RNF220: variants seen among roughly 807,000 people sequenced by gnomAD.
RNF220 encodes E3 ubiquitin-protein ligase RNF220.
Under a neutral mutation model 67.1 loss-of-function variants are expected in RNF220, and 7 were observed. The ratio of observed to expected loss-of-function variants is 0.10; its 90% CI spans 0.06 to 0.20. The LOEUF is 0.20. Ranked by LOEUF, RNF220 falls within the 10% of genes least tolerant of loss-of-function variation. The pLI is 1.00. For synonymous variants in RNF220, 270 were observed against 283.2 expected (o/e 0.95, Z 0.47); for missense variants, 565 against 740.3 (o/e 0.76, Z 2.75).
intron 2 of RNF220, among the ~76,000 whole-genome samples, chr1:44,580,987 C>T (rs913589880): frequency 6.6e-6 from 1 of 152,166 alleles, no homozygotes; most frequent in Non-Finnish European, 1.5e-5. Flanking sequence ...AAGGCCATGC[C>T]CAGAGCCAGA....
In RNF220 at chr1:44,621,214, C is replaced by T. The variant is rs1407616628; in HGVS notation, c.759-1528C>T. ...TATAGGCGTGAGCCACTGCACCGGA[C>T]CATGCATCTGTCTTTATGGACATGT... On this transcript the variant is annotated intron_variant, in intron 3 of 14. Transcript: ENST00000361799. This position sits in a 1 kb window ranked among gnomAD's most constrained non-coding sequence, Gnocchi z 4.8. Among the ~76,000 whole-genome samples the T allele has an allele frequency of 1.3e-5, 2 of 152,206 alleles. No individual in the cohort carries two copies. The highest frequency in any genetic ancestry group is 3.2e-3 in the Middle Eastern group (1 of 314).
Position 44,417,155 on chromosome 1 carries a change from G to A in RNF220, c.625+4433G>A, listed in dbSNP as rs116503833. Among the ~76,000 whole-genome samples, 539 of 152,254 alleles carry A rather than the reference G, an allele frequency of 3.5e-3. 4 individuals carry two copies. Among genetic ancestry groups the A allele is most frequent in the African/African-American group, 0.012 (519 of 41,548 alleles). On this transcript the variant is annotated intron_variant, in intron 2 of 14. Transcript: ENST00000361799. The surrounding 1 kb of genome is among the most constrained non-coding windows in gnomAD (Gnocchi z 4.0). ...TGCAGCTGGGACAGATGACCACTGG[G>A]AAAGGGTCAGCAAATCGCCAGAAGA...
At chr1:44,406,567 C>G (rs1434990362) in intron 1 of RNF220, among the ~76,000 whole-genome samples, 1 of 152,262 alleles carries the variant, frequency 6.6e-6, no homozygotes, top group Non-Finnish European at 1.5e-5. Flanking sequence ...TCAGTGAGCA[C>G]GCCGGTCGCT....
At chr1:44,525,830 G>A (rs1403809451) in intron 2 of RNF220, among the ~76,000 whole-genome samples, 4 of 152,106 alleles carry the variant, frequency 2.6e-5, no homozygotes, top group Non-Finnish European at 5.9e-5. Flanking sequence ...CCCTCAGTCT[G>A]ACCATCTCCC....
intron 2 of RNF220, among the ~76,000 whole-genome samples, chr1:44,464,571 T>C (rs1030024726): frequency 2.0e-5 from 3 of 152,226 alleles, no homozygotes; most frequent in Non-Finnish European, 2.9e-5. Context: ...AGCACATCTG[T>C]GTGGCAGAGA....
chr1:44,493,312 G>A (rs1011099141), intron 2 of RNF220, among the ~76,000 whole-genome samples: 1 of 152,116 alleles, frequency 6.6e-6, no homozygotes, highest in Non-Finnish European at 1.5e-5. Flanking sequence ...TCAGGAGTTC[G>A]AGGCCAGCCT....
At chr1:44,515,852 G>A (rs550162611) in intron 2 of RNF220, among the ~76,000 whole-genome samples, 1 of 152,294 alleles carries the variant, frequency 6.6e-6, no homozygotes, top group South Asian at 2.1e-4. Context: ...CTACCTCTGT[G>A]TAGGAATATT....
At chr1:44,500,988 C>T (rs1038405604) in intron 2 of RNF220, among the ~76,000 whole-genome samples, 1 of 151,852 alleles carries the variant, frequency 6.6e-6, no homozygotes, top group African/African-American at 2.4e-5. Flanking sequence ...CCATAGAGGC[C>T]CCTCGATTTG....
intron 2 of RNF220, among the ~76,000 whole-genome samples, chr1:44,583,332 A>G (rs528423636): frequency 2.0e-5 from 3 of 152,302 alleles, no homozygotes; most frequent in African/African-American, 4.8e-5. Context: ...TAAGCAGCAC[A>G]GTCCTTGCCC....
At chr1:44,503,333 C>CAAAAAAAAAAAAAAAAA (rs34103792) in intron 2 of RNF220, among the ~76,000 whole-genome samples, 1 of 84,498 alleles carries the variant, frequency 1.2e-5, no homozygotes, top group Non-Finnish European at 2.2e-5. Context: ...GATGCTGTCT[C>CAAAAAAAAAAAAAAAAA]AAAAAAAAAA....
At chr1:44,507,379 G>A (rs1032247962) in intron 2 of RNF220, among the ~76,000 whole-genome samples, 8 of 152,008 alleles carry the variant, frequency 5.3e-5, no homozygotes, top group African/African-American at 1.9e-4. Context: ...CCTCTCCAGA[G>A]CCTAGTAACT....
chr1:44,599,158 G>A (rs750319740), intron 2 of RNF220, among the ~76,000 whole-genome samples: 2 of 152,034 alleles, frequency 1.3e-5, no homozygotes, highest in East Asian at 1.9e-4. Flanking sequence ...CACTGCCTAC[G>A]GGGTAGCCCT....
At chr1:44,426,726 C>CAAA (rs33975687) in intron 2 of RNF220, among the ~76,000 whole-genome samples, 108 of 112,298 alleles carry the variant, frequency 9.6e-4, no homozygotes, top group Middle Eastern at 9.3e-3. Flanking sequence ...GACTCTGTCT[C>CAAA]AAAAAAAAAA....
chr1:44,619,017 T>C (rs908749542), intron 3 of RNF220, among the ~76,000 whole-genome samples: 4 of 119,960 alleles, frequency 3.3e-5, no homozygotes, highest in Admixed American at 9.2e-5. Flanking sequence ...GGGTTGGTGA[T>C]GGGGGAGGGA....
intron 2 of RNF220, among the ~76,000 whole-genome samples, chr1:44,580,030 C>CAAAAAAAAAAAAAAAAAA (rs61499825): frequency 7.4e-4 from 48 of 65,232 alleles, no homozygotes; most frequent in South Asian, 1.1e-3. Flanking sequence ...CCCTGTCTCA[C>CAAAAAAAAAAAAAAAAAA]AAAAAAAAAA....
chr1:44,635,894 TG>T, intron 7 of RNF220, 135 bp from the exon 8 acceptor site: 1 of 1,461,400 alleles, frequency 6.8e-7, no homozygotes, highest in Non-Finnish European at 9.3e-7. Flanking sequence ...TAAATTGGTT[TG>T]CTTCAAAGGA....
intron 6 of RNF220, among the ~76,000 whole-genome samples, chr1:44,634,116 T>C (rs1036263466): frequency 2.4e-4 from 37 of 152,262 alleles, no homozygotes; most frequent in African/African-American, 8.2e-4. Context: ...TGTTTTGGAG[T>C]TGGAGTAGCT....
intron 2 of RNF220, among the ~76,000 whole-genome samples, chr1:44,432,012 G>A (rs1650431242): frequency 6.6e-6 from 1 of 152,228 alleles, no homozygotes; most frequent in South Asian, 2.1e-4. Context: ...GGGATCCTCT[G>A]TAATATTGGC....
chr1:44,560,203 C>G (rs764190013), intron 2 of RNF220, among the ~76,000 whole-genome samples: 43 of 152,276 alleles, frequency 2.8e-4, no homozygotes, highest in Admixed American at 5.2e-4. Flanking sequence ...GCCTGGCCCA[C>G]GGAAGGCTTC....
Sources: allele counts gnomAD v4.1 joint callset (sites outside exome capture counted in the v4.1 genomes callset), GRCh38; gene constraint gnomAD v4.1.1; non-coding constraint Gnocchi (gnomAD v3.1); transcripts MANE v1.5; gene names NCBI Gene and HGNC (gene_info 2026-07-23, HGNC 2026-07-21).